The following HMGB1 variants were observed in gnomAD, a reference collection of about 807,000 sequenced individuals.
HMGB1 encodes the protein high mobility group protein B1.
For synonymous variants in HMGB1, 81 were observed against 84.0 expected, an observed-to-expected ratio of 0.96 and a Z score of 0.19; for missense variants, 79 against 253.5, an observed-to-expected ratio of 0.31 and a Z score of 4.67.
Position 30,462,697 on chromosome 13 carries a change from G to A in HMGB1, c.312C>T (p.Leu104=), listed in dbSNP as rs771979933. The A allele has an allele frequency of 2.1e-5, 34 of 1,610,460 alleles. No homozygotes were observed. Among genetic ancestry groups the A allele is most frequent in the Middle Eastern group, 1.7e-4 (1 of 6,044 alleles). Residue 104 remains leucine, a synonymous_variant, in exon 4 of 5, where the codon CTC becomes CTT. Transcript: ENST00000341423. ...TTTTTGGGCGATACTCAGAGCAGAAGAGGAAGAAGGCCGAACTAAAAAAAA... is the reference window on the plus strand; with the variant it reads ...TTTTTGGGCGATACTCAGAGCAGAAAAGGAAGAAGGCCGAACTAAAAAAAA... ...APKRPPSAFF[L]FCSEYRPKIK...
chr13:30,514,333 C>T (rs1241105635), intron 1 of HMGB1, among the ~76,000 whole-genome samples: 4 of 148,840 alleles, frequency 2.7e-5, no homozygotes, highest in African/African-American at 1.0e-4. Flanking sequence ...TATTATTATC[C>T]CTCAGGGTCT....
In HMGB1 at chr13:30,457,198, AG is replaced by A. The variant is rs1886027454; in HGVS notation, c.*4158del. 6.6e-6 allele frequency: 1 copy of A among 152,312 alleles called. No homozygotes were observed. The highest frequency in any genetic ancestry group is 1.5e-5 in the Non-Finnish European group (1 of 68,044). The allele number at this position is 152,312 out of a possible 1,614,324, so 9.4% of individuals were successfully genotyped here. A position where few individuals can be genotyped will look rare whatever the true frequency, so the allele number is the denominator to read the frequency against. ...TAGACAAGGCCTCACTATGTTGCCC[AG>A]GCTAGTGTCAAACTCCTGGCCTCAA... is the stretch of plus-strand genomic sequence containing the variant. On this transcript the variant is annotated 3_prime_UTR_variant, in exon 5 of 5. Coordinates refer to ENST00000341423, the MANE Select transcript of HMGB1 (RefSeq NM_002128.7).
At chr13:30,565,017 T>A (rs914509249) in intron 1 of HMGB1, among the ~76,000 whole-genome samples, 2 of 152,228 alleles carry the variant, frequency 1.3e-5, no homozygotes, top group African/African-American at 4.8e-5. Flanking sequence ...GGCTGGGCAC[T>A]ATGGTACGTC....
chr13:30,604,710 T>A (rs1241380175), intron 1 of HMGB1, among the ~76,000 whole-genome samples: 1 of 152,106 alleles, frequency 6.6e-6, no homozygotes, highest in African/African-American at 2.4e-5. Context: ...CGGGCTGGAG[T>A]GCAGTGGCGT....
intron 1 of HMGB1, among the ~76,000 whole-genome samples, chr13:30,604,662 G>T (rs1308466140): frequency 6.6e-6 from 1 of 152,052 alleles, no homozygotes; most frequent in African/African-American, 2.4e-5. Flanking sequence ...ATGTTTTTTT[G>T]TTTGTTTGTT....
intron 1 of HMGB1, among the ~76,000 whole-genome samples, chr13:30,502,948 G>A (rs993030223): frequency 1.3e-5 from 2 of 152,084 alleles, no homozygotes; most frequent in Non-Finnish European, 2.9e-5. Context: ...GGGATTGCAG[G>A]CGTGAGCCAT....
chr13:30,542,361 G>C (rs1050952517), intron 1 of HMGB1: 4 of 162,332 alleles, frequency 2.5e-5, no homozygotes, highest in African/African-American at 9.6e-5. Flanking sequence ...AGCTCCCCAG[G>C]GCGCCCCTCC....
At chr13:30,494,496 G>C (rs1593274466) in intron 1 of HMGB1, among the ~76,000 whole-genome samples, 1 of 152,122 alleles carries the variant, frequency 6.6e-6, no homozygotes, top group East Asian at 1.9e-4. Context: ...GGTGTAGCTG[G>C]GATTACAGGC....
chr13:30,578,308 G>A (rs1036857209), intron 1 of HMGB1, among the ~76,000 whole-genome samples: 1 of 145,274 alleles, frequency 6.9e-6, no homozygotes, highest in Non-Finnish European at 1.5e-5. Context: ...GAAGTGACCT[G>A]TTGGTGTGTC....
chr13:30,498,129 T>C (rs185084725), intron 1 of HMGB1, among the ~76,000 whole-genome samples: 5 of 152,310 alleles, frequency 3.3e-5, no homozygotes, highest in African/African-American at 7.2e-5. Context: ...TGTTATTTTT[T>C]GACTTTCTAG....
chr13:30,607,828 C>A (rs1950475221), intron 1 of HMGB1, among the ~76,000 whole-genome samples: 1 of 152,098 alleles, frequency 6.6e-6, no homozygotes, highest in African/African-American at 2.4e-5. Context: ...TATAAAAATA[C>A]AATTATTTCA....
chr13:30,472,561 A>G (rs988698110), intron 1 of HMGB1, among the ~76,000 whole-genome samples: 27 of 152,208 alleles, frequency 1.8e-4, no homozygotes, highest in Non-Finnish European at 1.9e-4. Context: ...AGATGGTGCC[A>G]CTGCACTCCA....
chr13:30,585,099 G>A (rs751970141), intron 1 of HMGB1, among the ~76,000 whole-genome samples: 18 of 151,742 alleles, frequency 1.2e-4, no homozygotes, highest in Admixed American at 9.2e-4. Context: ...GCAGTGAGCC[G>A]TGATTGTGTC....
At chr13:30,487,292 A>T (rs563210803) in intron 1 of HMGB1, among the ~76,000 whole-genome samples, 1 of 152,338 alleles carries the variant, frequency 6.6e-6, no homozygotes, top group South Asian at 2.1e-4. Flanking sequence ...GCACCTAGTG[A>T]GTTCTGCTTT....
chr13:30,573,561 A>G (rs1272022443), intron 1 of HMGB1, among the ~76,000 whole-genome samples: 3 of 152,246 alleles, frequency 2.0e-5, no homozygotes, highest in Non-Finnish European at 2.9e-5. Flanking sequence ...TTTGTAAAAA[A>G]TTGGAAATTA....
intron 1 of HMGB1, among the ~76,000 whole-genome samples, chr13:30,592,863 CTTT>C (rs1255636514): frequency 2.5e-3 from 353 of 141,096 alleles, no homozygotes; most frequent in African/African-American, 8.5e-3. Flanking sequence ...AAATTTAGTG[CTTT>C]TTTTTAAAAA....
rs1259394281 is a variant in HMGB1 at position 30,461,327 on chromosome 13, C to G, written c.*30G>C. On this transcript the variant is annotated 3_prime_UTR_variant, in exon 5 of 5. Coordinates refer to ENST00000341423, the MANE Select transcript of HMGB1 (RefSeq NM_002128.7). ...ACAGGGGGGTTAAATGCTTTATAGA[C>G]AAGAAAAAAAAAACTGCGCTAGAAC... is the stretch of plus-strand genomic sequence containing the variant. 6.6e-7 allele frequency: 1 copy of G among 1,521,702 alleles called. No homozygotes were observed. Among genetic ancestry groups the G allele is most frequent in the East Asian group, 2.3e-5 (1 of 44,198 alleles). 94.3% of individuals were successfully genotyped at this position (1,521,702 alleles called of 1,614,324 possible). A position where few individuals can be genotyped will look rare whatever the true frequency, so the allele number is the denominator to read the frequency against.
intron 1 of HMGB1, among the ~76,000 whole-genome samples, chr13:30,478,167 A>G (rs974952998): frequency 5.9e-5 from 9 of 152,150 alleles, no homozygotes; most frequent in African/African-American, 2.2e-4. Flanking sequence ...CTTCTAGGAA[A>G]TATTCAGAAA....
chr13:30,464,562 C>T, intron 1 of HMGB1: 1 of 984,514 alleles, frequency 1.0e-6, no homozygotes, highest in Non-Finnish European at 1.2e-6. Flanking sequence ...CACGTGCGCC[C>T]GGCAGGCCCT....
Sources: allele counts gnomAD v4.1 joint callset (sites outside exome capture counted in the v4.1 genomes callset), GRCh38; gene constraint gnomAD v4.1.1; transcripts MANE v1.5; gene names NCBI Gene and HGNC (gene_info 2026-07-23, HGNC 2026-07-21).